ZACN: variants seen among roughly 807,000 people sequenced by gnomAD.
The protein encoded by ZACN is zinc activated ion channel.
Under a neutral mutation model 38.9 loss-of-function variants are expected in ZACN, and 52 were observed. The ratio of observed to expected loss-of-function variants is 1.34; its 90% confidence interval spans 1.07 to 1.68. The LOEUF (loss-of-function observed/expected upper bound fraction) is 1.68. ZACN is among the 40% of genes most tolerant of loss of function. The pLI is 0.00. For missense variants in ZACN, 559 were observed against 525.6 expected (o/e 1.06, Z -0.62); for synonymous variants, 235 against 227.4 (o/e 1.03, Z -0.30).
Position 76,079,218 on chromosome 17 carries a change from G to A in ZACN, c.-47G>A, listed in dbSNP as rs368028403. On this transcript the variant is annotated 5_prime_UTR_variant, in exon 1 of 9. Coordinates refer to ENST00000334586, the MANE Select transcript of ZACN (RefSeq NM_180990.4). ...TGCCAGAGAAGTGACTGGAATAGAGGTTGTAGCTTAGGCACCGCTGCTCCC... is the reference window on the plus strand; with the variant it reads ...TGCCAGAGAAGTGACTGGAATAGAGATTGTAGCTTAGGCACCGCTGCTCCC... 13 of 1,544,262 alleles carry A rather than the reference G, an allele frequency of 8.4e-6. No homozygotes were observed. Among genetic ancestry groups the A allele is most frequent in the Admixed American group, 1.9e-5 (1 of 52,860 alleles).
rs776144412 is a variant in ZACN at position 76,079,900 on chromosome 17, A to G, written c.280A>G (p.Thr94Ala). Residue 94 changes from threonine to alanine, a missense_variant, in exon 4 of 9, where the codon ACT becomes GCT. By Grantham distance (58) the Thr-to-Ala change is moderately conservative (BLOSUM62 0). Coordinates refer to ENST00000334586, the MANE Select transcript of ZACN (RefSeq NM_180990.4). Reference protein sequence around the residue: ...MLLLRLSWLDTRLAWNTSAHP... With the variant: ...MLLLRLSWLDARLAWNTSAHP... ...CTTGTGTCCCCAGTCCTGGCTGGAC[A>G]CTCGCCTGGCCTGGAACACTAGTGC... is the stretch of plus-strand genomic sequence containing the variant. 6.3e-7 allele frequency: 1 copy of G among 1,595,744 alleles called. No individual in the cohort carries two copies. Among genetic ancestry groups the G allele is most frequent in the Non-Finnish European group, 8.5e-7 (1 of 1,171,062 alleles).
intron 6 of ZACN, 57 bp from the exon 7 acceptor site, chr17:76,081,488 C>A: frequency 6.2e-7 from 1 of 1,610,138 alleles, no homozygotes; most frequent in Non-Finnish European, 8.5e-7. Flanking sequence ...GGCCCCATGC[C>A]CCCGATGCCC....
rs776661652 is a variant in ZACN, at chr17:76,081,645, G to A, written c.770G>A (p.Arg257Gln). ...GTGTGCGGGGGGTTGCTGCCCCTCC[G>A]GGCCATTGAGCGCATAGGCTACAAG... ...ADVCGGLLPL[R>Q]AIERIGYKVT... Residue 257 changes from arginine (R) to glutamine (Q), a missense_variant, in exon 7 of 9, where the codon CGG (arginine) becomes CAG (glutamine). By Grantham distance (43) the Arg-to-Gln change is conservative (BLOSUM62 1). Transcript: ENST00000334586. The A allele has an allele frequency of 9.2e-5, 149 of 1,614,018 alleles. 1 individual carries two copies. In the Admixed American group the frequency reaches 1.5e-3, roughly 17 times the overall value.
chr17:76,081,527 T>C lies in ZACN; in HGVS notation c.670-18T>C, dbSNP rs1445940915. 2.5e-6 allele frequency: 4 copies of C among 1,612,428 alleles called. No homozygotes were observed. The highest frequency in any genetic ancestry group is 3.3e-5 in the Admixed American group (2 of 60,004). On this transcript the variant is annotated intron_variant, in intron 6 of 8. Transcript: ENST00000334586. ...TCCTTCCCCCCCGCCGGGAAGGCCC[T>C]GACTTTTCCCCTTCCAGCTGAGGCT...
intron 5 of ZACN, 135 bp from the exon 6 acceptor site, chr17:76,081,143 G>A (rs1373826534): frequency 4.7e-6 from 6 of 1,267,236 alleles, no homozygotes; most frequent in African/African-American, 1.5e-5. Context: ...TCTATGGATC[G>A]GTTTTGTGTC....
At chr17:76,080,036 G>A (rs1357972496) in intron 4 of ZACN, 42 bp downstream of exon 4, 1 of 1,506,244 alleles carries the variant, frequency 6.6e-7, no homozygotes, top group Non-Finnish European at 9.0e-7. Flanking sequence ...GCCATGCATA[G>A]CCCTCCTTTT....
At chr17:76,080,604 C>T in intron 5 of ZACN, 180 bp downstream of exon 5, 1 of 875,234 alleles carries the variant, frequency 1.1e-6, no homozygotes, top group Non-Finnish European at 1.8e-6. Flanking sequence ...GCGGGCAGCA[C>T]CTGCTCTCCC....
At position 76,082,466 on chromosome 17, in the gene ZACN, C is replaced by A; in HGVS notation, c.1052C>A (p.Pro351His). ...GNPGPHPAEE[P>H]SRGVKGSQRS... ...TTCCCTGTATCTCTCCCCACAGAGC[C>A]CTCCAGAGGAGTAAAGGGGTCACAG... The change falls in exon 9 of 9, where the codon CCC becomes CAC. Residue 351 changes from proline (P) to histidine (H), a missense_variant. Transcript: ENST00000334586. 1.9e-6 allele frequency: 3 copies of A among 1,605,620 alleles called. No homozygotes were observed. Among genetic ancestry groups the A allele is most frequent in the Non-Finnish European group, 2.6e-6 (3 of 1,175,486 alleles).
intron 5 of ZACN, 122 bp downstream of exon 5, chr17:76,080,546 A>G (rs2066933897): frequency 1.5e-6 from 2 of 1,371,472 alleles, no homozygotes; most frequent in Non-Finnish European, 2.0e-6. Flanking sequence ...AGGCAGACAG[A>G]AGGCGAACTC....
chr17:76,082,793 C>G lies in ZACN; in HGVS notation c.*140C>G. The G allele has an allele frequency of 1.3e-6, 1 of 784,420 alleles. No individual in the cohort carries two copies. Among genetic ancestry groups the G allele is most frequent in the Non-Finnish European group, 1.9e-6 (1 of 531,214 alleles). The allele number at this position is 784,420 out of a possible 1,614,324, so 48.6% of individuals were successfully genotyped here. Reference sequence around the variant, plus strand: ...ACAAGCACAGAGCGTGAAATAAACCCATCTCCAGTGCAAGTGTGCCTCAAG... The same window carrying G: ...ACAAGCACAGAGCGTGAAATAAACCGATCTCCAGTGCAAGTGTGCCTCAAG... On this transcript the variant is annotated 3_prime_UTR_variant, in exon 9 of 9. Transcript: ENST00000334586.
chr17:76,082,633 G>A lies in ZACN; in HGVS notation c.1219G>A (p.Gly407Ser). 1.2e-6 allele frequency: 2 copies of A among 1,612,472 alleles called. No individual in the cohort carries two copies. The highest frequency in any genetic ancestry group is 1.7e-6 in the Non-Finnish European group (2 of 1,179,554). Residue 407 changes from glycine to serine, a missense_variant, in exon 9 of 9, where the codon GGC (glycine) becomes AGC (serine). Gly to Ser is a moderately conservative substitution (Grantham distance 56). Coordinates refer to ENST00000334586, the MANE Select transcript of ZACN (RefSeq NM_180990.4). ...AGCCCCTGGAGAGGCTGCACCCCAT[G>A]GCAGGCGGCCTAGACTGTAAAGGGG... The part of the protein sequence containing the change: ...DAAPGEAAPH[G>S]RRPRL
In ZACN at chr17:76,079,578, G is replaced by A; in HGVS notation, c.222+15G>A. ...TGTTTAATGTGGTAAGTGCCTCTAG[G>A]CCAAGGGCCCCAAGTGCTGAGCTGG... On this transcript the variant is annotated intron_variant, in intron 2 of 8. Coordinates refer to ENST00000334586, the MANE Select transcript of ZACN (RefSeq NM_180990.4). The A allele has an allele frequency of 3.1e-6, 5 of 1,614,162 alleles. No individual in the cohort carries two copies. The highest frequency in any genetic ancestry group is 1.1e-5 in the South Asian group (1 of 91,084).
chr17:76,081,091 G>A, intron 5 of ZACN, 187 bp from the exon 6 acceptor site: 1 of 679,380 alleles, frequency 1.5e-6, no homozygotes, highest in Admixed American at 2.9e-5. Flanking sequence ...CCTTCAACTG[G>A]AGACAATTTG....
At position 76,081,531 on chromosome 17, in the gene ZACN, T is replaced by A. The variant is rs1190347763; in HGVS notation, c.670-14T>A. 1.2e-6 allele frequency: 2 copies of A among 1,612,732 alleles called. No homozygotes were observed. Among genetic ancestry groups the A allele is most frequent in the Admixed American group, 1.7e-5 (1 of 60,020 alleles). On this transcript the variant is annotated splice_polypyrimidine_tract_variant and intron_variant, in intron 6 of 8. Transcript: ENST00000334586. The stretch of plus-strand genomic sequence containing the variant: ...TCCCCCCCGCCGGGAAGGCCCTGAC[T>A]TTTCCCCTTCCAGCTGAGGCTGAAG...
At chr17:76,079,862 C>A in intron 3 of ZACN, 26 bp from the exon 4 acceptor site, 1 of 1,587,350 alleles carries the variant, frequency 6.3e-7, no homozygotes, top group Non-Finnish European at 8.6e-7. Context: ...AGAGCAGGAG[C>A]CTCAGTGGTG....
At position 76,079,952 on chromosome 17, in the gene ZACN, C is replaced by A; in HGVS notation, c.332C>A (p.Pro111His). The change falls in exon 4 of 9, where the codon CCC (proline) becomes CAC (histidine). Residue 111 changes from proline to histidine, a missense_variant. Pro to His is a moderately conservative substitution (Grantham distance 77, BLOSUM62 -2). Coordinates refer to ENST00000334586, the MANE Select transcript of ZACN (RefSeq NM_180990.4). ...CACCCGCGGCACGCCATCACGCTGC[C>A]CTGGGAGTCTCTCTGGACACCAAGG... The part of the protein sequence containing the change: ...SAHPRHAITL[P>H]WESLWTPRLT... 1 of 1,599,372 alleles carries A rather than the reference C, an allele frequency of 6.3e-7. No individual in the cohort carries two copies. The highest frequency in any genetic ancestry group is 2.3e-5 in the East Asian group (1 of 43,862).
In ZACN at chr17:76,082,607, C is replaced by G. The variant is rs1163431309; in HGVS notation, c.1193C>G (p.Ala398Gly). 1.2e-6 allele frequency: 2 copies of G among 1,613,388 alleles called. No homozygotes were observed. The highest frequency in any genetic ancestry group is 1.7e-6 in the Non-Finnish European group (2 of 1,179,844). Reference sequence around the variant, plus strand: ...ATGTGGGCAGCGTGCAAGTCTGACGCAGCCCCTGGAGAGGCTGCACCCCAT... The same window carrying G: ...ATGTGGGCAGCGTGCAAGTCTGACGGAGCCCCTGGAGAGGCTGCACCCCAT... Reference protein sequence around the residue: ...IWMWAACKSDAAPGEAAPHGR... With the variant: ...IWMWAACKSDGAPGEAAPHGR... The change falls in exon 9 of 9, where the codon GCA (alanine) becomes GGA (glycine). Residue 398 changes from alanine to glycine, a missense_variant. Ala to Gly is a moderately conservative substitution (Grantham distance 60, BLOSUM62 0). Transcript: ENST00000334586.
chr17:76,079,311 G>A lies in ZACN; in HGVS notation c.47G>A (p.Ser16Asn). 6.2e-7 allele frequency: 1 copy of A among 1,614,140 alleles called. No homozygotes were observed. The highest frequency in any genetic ancestry group is 8.5e-7 in the Non-Finnish European group (1 of 1,180,006). Residue 16 changes from serine to asparagine, a missense_variant, in exon 1 of 9, where the codon AGC becomes AAC. By Grantham distance (46) the Ser-to-Asn change is conservative. Coordinates refer to ENST00000334586, the MANE Select transcript of ZACN (RefSeq NM_180990.4). ...SLLHLTFLGF[S>N]ITLLLVHGQG... is the part of the protein sequence containing the mutation. ...CTCCATCTCACCTTCCTGGGGTTCA[G>A]CATTACCTTGCTGTTGGTCCACGGG...
chr17:76,079,665 G>A (rs377543076), intron 2 of ZACN, 37 bp from the exon 3 acceptor site: 5 of 1,611,682 alleles, frequency 3.1e-6, no homozygotes, highest in Non-Finnish European at 4.2e-6. Flanking sequence ...TTTCAACACA[G>A]CGCTCACCCT....
Sources: gnomAD v4.1 joint callset for allele counts on GRCh38, gnomAD v4.1.1 for gene constraint, MANE v1.5 for transcripts, NCBI Gene and HGNC (gene_info 2026-07-23, HGNC 2026-07-21) for gene names.